The following PALM2AKAP2 variants were observed in gnomAD, a reference collection of about 807,000 sequenced individuals.
PALM2AKAP2 encodes PALM2 and AKAP2 fusion.
In PALM2AKAP2, 37 loss-of-function variants were observed where a neutral mutation model predicts 71.5. That is an observed-to-expected ratio of 0.52 (90% CI 0.40 to 0.68). PALM2AKAP2 has a LOEUF of 0.68. Ranked by LOEUF, PALM2AKAP2 falls within the 30% of genes least tolerant of loss-of-function variation. The pLI, the probability that PALM2AKAP2 is intolerant of heterozygous loss-of-function variation, is 0.00. For missense variants in PALM2AKAP2, 1,224 were observed against 1,191.8 expected, an observed-to-expected ratio of 1.03 and a Z score of -0.40; for synonymous variants, 468 against 478.8, an observed-to-expected ratio of 0.98 and a Z score of 0.29.
intron 3 of PALM2AKAP2, among the ~76,000 whole-genome samples, chr9:110,158,113 G>T (rs1029344036): frequency 1.3e-5 from 2 of 152,204 alleles, no homozygotes; most frequent in Non-Finnish European, 1.5e-5. Flanking sequence ...CACTGTAGGG[G>T]AGCCAGCAGC....
intron 1 of PALM2AKAP2, among the ~76,000 whole-genome samples, chr9:109,670,749 A>T (rs1228709433): frequency 6.6e-6 from 1 of 152,056 alleles, no homozygotes; most frequent in East Asian, 1.9e-4. Context: ...ATGTATAAGG[A>T]TTCCTTTTTC....
At chr9:110,011,111 T>C (rs2132321194) in intron 6 of PALM2AKAP2, among the ~76,000 whole-genome samples, 1 of 146,186 alleles carries the variant, frequency 6.8e-6, no homozygotes, top group Non-Finnish European at 1.5e-5. Context: ...ATTCCATATA[T>C]ATTCTCTGTC....
chr9:109,757,504 G>A (rs1828981632), intron 1 of PALM2AKAP2, among the ~76,000 whole-genome samples: 1 of 152,054 alleles, frequency 6.6e-6, no homozygotes, highest in African/African-American at 2.4e-5. Flanking sequence ...AAAGAGAGAG[G>A]CAGGTCTGCC....
intron 1 of PALM2AKAP2, among the ~76,000 whole-genome samples, chr9:109,653,649 A>G (rs1013836103): frequency 6.6e-6 from 1 of 152,158 alleles, no homozygotes; most frequent in Non-Finnish European, 1.5e-5. Context: ...TTCTGTAGAT[A>G]GGGGGTGTAG....
At chr9:110,048,640 G>A (rs1254139650), upstream of PALM2AKAP2, 9 of 1,455,566 alleles carry the variant, frequency 6.2e-6, no homozygotes, top group Non-Finnish European at 8.1e-6. Context: ...GCGGGCCCCA[G>A]GAGCAGGCGG....
intron 7 of PALM2AKAP2, among the ~76,000 whole-genome samples, chr9:110,043,505 A>T (rs1833541113): frequency 6.6e-6 from 1 of 152,168 alleles, no homozygotes; most frequent in African/African-American, 2.4e-5. Flanking sequence ...ATCAATCTGT[A>T]TGCCCATCAA....
intron 6 of PALM2AKAP2, chr9:109,946,735 A>G (rs920536714): frequency 2.0e-5 from 3 of 151,138 alleles, no homozygotes; most frequent in African/African-American, 7.3e-5. Flanking sequence ...TTCCCTTTTA[A>G]ATAGAAAGAG....
rs59242587 is a variant in PALM2AKAP2 at position 110,011,012 on chromosome 9, A to ATATATATAT, written c.497-4942_497-4941insTATATATAT. Among the ~76,000 whole-genome samples, 443 of 90,174 alleles carry ATATATATAT rather than the reference A, an allele frequency of 4.9e-3. 3 individuals carry two copies. Among genetic ancestry groups the ATATATATAT allele is most frequent in the Middle Eastern group, 0.013 (2 of 156 alleles). 59.2% of individuals were successfully genotyped at this position (90,174 alleles called of 152,430 possible). On this transcript the variant is annotated intron_variant, in intron 6 of 9. Coordinates refer to the PALM2AKAP2 transcript ENST00000302798. ...ACTCTGTCTCAAAAAAAAAAAAAAAAAAATATATATATATATATATATATA... is the reference window on the plus strand; with the variant it reads ...ACTCTGTCTCAAAAAAAAAAAAAAAATATATATATAAATATATATATATATATATATATA...
chr9:110,082,365 G>A (rs1224555127), intron 1 of PALM2AKAP2, among the ~76,000 whole-genome samples: 1 of 152,100 alleles, frequency 6.6e-6, no homozygotes, highest in Admixed American at 6.6e-5. Flanking sequence ...CCAAGCAGTG[G>A]CGTCTTAACA....
At chr9:109,770,448 A>C (rs563704791) in intron 1 of PALM2AKAP2, among the ~76,000 whole-genome samples, 1 of 152,336 alleles carries the variant, frequency 6.6e-6, no homozygotes, top group South Asian at 2.1e-4. Flanking sequence ...CCTAAAGCTT[A>C]GAATCACTGT....
intron 2 of PALM2AKAP2, among the ~76,000 whole-genome samples, chr9:109,871,418 A>G (rs1829600189): frequency 1.3e-5 from 2 of 152,210 alleles, no homozygotes; most frequent in South Asian, 4.1e-4. Context: ...GTGTGGTGTA[A>G]TAATTTCTAA....
intron 1 of PALM2AKAP2, among the ~76,000 whole-genome samples, chr9:109,798,390 G>A (rs1245311339): frequency 1.3e-5 from 2 of 152,190 alleles, no homozygotes; most frequent in Non-Finnish European, 1.5e-5. Context: ...TCTGGCTATG[G>A]CAGTAGAAAT....
At chr9:109,873,711 A>G (rs565606389) in intron 2 of PALM2AKAP2, among the ~76,000 whole-genome samples, 3 of 152,320 alleles carry the variant, frequency 2.0e-5, no homozygotes, top group Admixed American at 6.5e-5. Flanking sequence ...GCCAGTTATG[A>G]CTTTATAAAA....
chr9:109,973,802 G>A (rs1401006624), intron 6 of PALM2AKAP2, among the ~76,000 whole-genome samples: 1 of 152,194 alleles, frequency 6.6e-6, no homozygotes. Flanking sequence ...ACTTGCCCAA[G>A]ATGTAGCCAG....
chr9:109,682,323 T>G (rs190419306), intron 1 of PALM2AKAP2, among the ~76,000 whole-genome samples: 1 of 152,238 alleles, frequency 6.6e-6, no homozygotes, highest in African/African-American at 2.4e-5. Context: ...TGGATCACTT[T>G]GCTTCATTCA....
rs192547871 is a variant in PALM2AKAP2, at chr9:109,883,529, A to G, written c.257+2848A>G. Among the ~76,000 whole-genome samples, 339 of 152,276 alleles carry G rather than the reference A, an allele frequency of 2.2e-3. 2 individuals carry two copies. The highest frequency in any genetic ancestry group is 7.8e-3 in the African/African-American group (325 of 41,558). Reference sequence around the variant, plus strand: ...AGGGAGGAGTTTCTTCTACCCTGGAAGTCAGCTTCTGCTTCTCTTCATCTT... The same window carrying G: ...AGGGAGGAGTTTCTTCTACCCTGGAGGTCAGCTTCTGCTTCTCTTCATCTT... On this transcript the variant is annotated intron_variant, in intron 3 of 9. Coordinates refer to the PALM2AKAP2 transcript ENST00000302798.
chr9:109,990,424 A>C (rs1832456714), intron 6 of PALM2AKAP2, among the ~76,000 whole-genome samples: 1 of 152,176 alleles, frequency 6.6e-6, no homozygotes, highest in South Asian at 2.1e-4. Flanking sequence ...GCTGCACTTC[A>C]GTGTGTCAGA....
intron 1 of PALM2AKAP2, among the ~76,000 whole-genome samples, chr9:110,109,451 C>T (rs756201109): frequency 7.9e-5 from 12 of 151,924 alleles, no homozygotes; most frequent in Admixed American, 2.0e-4. Context: ...GGAGCCCTCC[C>T]GGAAACACAA....
chr9:109,915,259 G>A (rs1340903934), intron 3 of PALM2AKAP2, among the ~76,000 whole-genome samples: 1 of 152,212 alleles, frequency 6.6e-6, no homozygotes, highest in Non-Finnish European at 1.5e-5. Context: ...CATGGGAGGT[G>A]GTGAGCTCCC....
Sources: allele counts gnomAD v4.1 joint callset (sites outside exome capture counted in the v4.1 genomes callset), GRCh38; gene constraint gnomAD v4.1.1; transcripts MANE v1.5; gene names NCBI Gene and HGNC (gene_info 2026-07-23, HGNC 2026-07-21).